BMP7: variants seen among roughly 807,000 people sequenced by gnomAD.
BMP7 encodes bone morphogenetic protein 7.
BMP7 carries 12 observed loss-of-function variants against 41.2 expected under a neutral mutation model. That is an observed-to-expected ratio of 0.29 (90% confidence interval 0.19 to 0.47). The LOEUF (loss-of-function observed/expected upper bound fraction) is 0.47. BMP7 is among the 20% of genes least tolerant of loss of function. The pLI is 0.99. For synonymous variants in BMP7, 248 were observed against 250.0 expected (o/e 0.99, Z 0.07); for missense variants, 467 against 606.0 (o/e 0.77, Z 2.41).
rs1286853985 is a variant in BMP7, at chr20:57,183,824, C to A, written c.856G>T (p.Val286Phe). Residue 286 changes from valine (V) to phenylalanine (F), a missense_variant, in exon 4 of 7, where the codon GTC (valine) becomes TTC (phenylalanine). Transcript: ENST00000395863. Reference sequence around the variant, plus strand: ...GTGGACCGGATGCTGCGGAAGTGGACCTCCGTGGCCTTGAAGAAAGCCACC... The same window carrying A: ...GTGGACCGGATGCTGCGGAAGTGGAACTCCGTGGCCTTGAAGAAAGCCACC... Reference protein sequence around the residue: ...FMVAFFKATEVHFRSIRSTGS... With the variant: ...FMVAFFKATEFHFRSIRSTGS... 1.2e-6 allele frequency: 2 copies of A among 1,614,146 alleles called. No individual in the cohort carries two copies. Among genetic ancestry groups the A allele is most frequent in the East Asian group, 4.5e-5 (2 of 44,878 alleles).
Position 57,174,952 on chromosome 20 carries a change from G to C in BMP7, c.1014C>G (p.Ser338Arg). ...QACKKHELYV[S>R]FRDLGWQDWI... ...TTACCTGCCAGCCCAGGTCTCGGAA[G>C]CTGACATACAGCTCGTGCTTCTTAC... Residue 338 changes from serine to arginine, a missense_variant, in exon 5 of 7, where the codon AGC (serine) becomes AGG (arginine). Transcript: ENST00000395863. This position sits in a 1 kb window ranked among gnomAD's most constrained non-coding sequence, Gnocchi z 4.3. The C allele has an allele frequency of 1.2e-6, 2 of 1,612,232 alleles. No individual in the cohort carries two copies. Among genetic ancestry groups the C allele is most frequent in the Non-Finnish European group, 1.7e-6 (2 of 1,179,870 alleles).
chr20:57,246,863 CCTGTACTCCCAGCTA>C (rs1260653481), intron 1 of BMP7, among the ~76,000 whole-genome samples: 176 of 152,232 alleles, frequency 1.2e-3, no homozygotes, highest in African/African-American at 3.1e-3. Context: ...GTGGCACGTG[CCTGTACTCCCAGCTA>C]CTCAGGAGGC....
intron 1 of BMP7, among the ~76,000 whole-genome samples, chr20:57,244,960 C>G (rs1406951064): frequency 6.6e-6 from 1 of 152,220 alleles, no homozygotes. Flanking sequence ...AGCCTAAACT[C>G]ATTAGGCCCA....
At chr20:57,211,930 T>C (rs1984894914) in intron 2 of BMP7, among the ~76,000 whole-genome samples, 1 of 152,226 alleles carries the variant, frequency 6.6e-6, no homozygotes, top group Non-Finnish European at 1.5e-5. Context: ...AGCCACTAAG[T>C]TGGCGGTCAC....
intron 3 of BMP7, among the ~76,000 whole-genome samples, chr20:57,194,004 C>T (rs1263725398): frequency 6.6e-6 from 1 of 152,206 alleles, no homozygotes; most frequent in African/African-American, 2.4e-5. Context: ...CGTGCCTGAC[C>T]TTCCTCCGTC....
intron 1 of BMP7, among the ~76,000 whole-genome samples, chr20:57,257,960 A>G (rs186359983): frequency 6.6e-6 from 1 of 152,172 alleles, no homozygotes; most frequent in Non-Finnish European, 1.5e-5. Context: ...TCCAAGCTAC[A>G]TGAAAGCAGA....
chr20:57,194,186 G>A (rs537424642), intron 3 of BMP7, among the ~76,000 whole-genome samples: 11 of 152,270 alleles, frequency 7.2e-5, no homozygotes, highest in South Asian at 6.2e-4. Flanking sequence ...GGACATGGAG[G>A]CAGCCACATT....
chr20:57,232,899 A>ACACACACAC, intron 1 of BMP7, among the ~76,000 whole-genome samples: 1 of 149,438 alleles, frequency 6.7e-6, no homozygotes, highest in Admixed American at 6.7e-5. Context: ...ACACACACAC[A>ACACACACAC]AATAAGCAGT....
chr20:57,263,423 G>C (rs1027551457), intron 1 of BMP7, among the ~76,000 whole-genome samples: 2 of 152,192 alleles, frequency 1.3e-5, no homozygotes, highest in African/African-American at 2.4e-5. Context: ...CAAATAGCCC[G>C]CACCAAAGTT....
intron 6 of BMP7, 86 bp downstream of exon 6, chr20:57,173,114 G>A (rs535134055): frequency 2.9e-6 from 4 of 1,373,806 alleles, no homozygotes; most frequent in Non-Finnish European, 4.1e-6. Flanking sequence ...CATCTACTCA[G>A]GCCCCAGCTT....
At chr20:57,237,672 T>C (rs1212468964) in intron 1 of BMP7, among the ~76,000 whole-genome samples, 1 of 152,240 alleles carries the variant, frequency 6.6e-6, no homozygotes, top group African/African-American at 2.4e-5. Context: ...GAGGCCACAC[T>C]GACACACACA....
intron 1 of BMP7, among the ~76,000 whole-genome samples, chr20:57,231,924 A>C (rs2066030835): frequency 6.6e-6 from 1 of 152,244 alleles, no homozygotes; most frequent in Non-Finnish European, 1.5e-5. Flanking sequence ...ATGTTTGCTG[A>C]GTGCTAACTC....
intron 1 of BMP7, among the ~76,000 whole-genome samples, chr20:57,256,965 T>C (rs1313702922): frequency 6.6e-6 from 1 of 151,930 alleles, no homozygotes; most frequent in Admixed American, 6.6e-5. Context: ...CAGACAAAAA[T>C]AGAAATTTTT....
chr20:57,248,120 C>T (rs1240545478), intron 1 of BMP7, among the ~76,000 whole-genome samples: 1 of 152,208 alleles, frequency 6.6e-6, no homozygotes, highest in African/African-American at 2.4e-5. Flanking sequence ...TATATATTCA[C>T]AGTGGAACAC....
chr20:57,253,693 C>A (rs1293589833), intron 1 of BMP7, among the ~76,000 whole-genome samples: 1 of 152,070 alleles, frequency 6.6e-6, no homozygotes, highest in Non-Finnish European at 1.5e-5. Flanking sequence ...CATCCATGCA[C>A]CCATAACAGA....
At chr20:57,179,284 C>A (rs1280548885) in intron 4 of BMP7, among the ~76,000 whole-genome samples, 2 of 152,258 alleles carry the variant, frequency 1.3e-5, no homozygotes, top group African/African-American at 4.8e-5. Flanking sequence ...CGCCCCCAAG[C>A]AACAGAAAGT....
chr20:57,173,380 G>T, intron 5 of BMP7, 70 bp from the exon 6 acceptor site: 2 of 1,470,388 alleles, frequency 1.4e-6, no homozygotes, highest in Non-Finnish European at 1.9e-6. Flanking sequence ...CCCCCATGCT[G>T]GCCAGAAACC....
chr20:57,195,948 G>A (rs1009713131), intron 3 of BMP7, among the ~76,000 whole-genome samples: 4 of 152,288 alleles, frequency 2.6e-5, no homozygotes, highest in Non-Finnish European at 4.4e-5. Flanking sequence ...CTCAGGGTAT[G>A]GACAGCCAGC....
chr20:57,196,785 G>A (rs987959888), intron 3 of BMP7, among the ~76,000 whole-genome samples: 1 of 152,176 alleles, frequency 6.6e-6, no homozygotes, highest in African/African-American at 2.4e-5. Flanking sequence ...GATCGCTTGA[G>A]CCTGGACAGC....
Sources: gnomAD v4.1 joint callset for allele counts (sites outside exome capture counted in the v4.1 genomes callset) on GRCh38, gnomAD v4.1.1 for gene constraint, Gnocchi (gnomAD v3.1) non-coding constraint, MANE v1.5 for transcripts, NCBI Gene and HGNC (gene_info 2026-07-23, HGNC 2026-07-21) for gene names.